The following SLC14A1 variants were observed in gnomAD, a reference collection of about 807,000 sequenced individuals.
SLC14A1 encodes the protein solute carrier family 14 member 1 (Kidd blood group).
Under a neutral mutation model 39.6 loss-of-function variants are expected in SLC14A1, and 36 were observed. That is an observed-to-expected ratio of 0.91 (90% CI 0.70 to 1.20). SLC14A1 has a LOEUF of 1.20. SLC14A1 is among the 50% of genes most tolerant of loss of function. SLC14A1 has a pLI of 0.00. For missense variants in SLC14A1, 469 were observed against 478.7 expected, an observed-to-expected ratio of 0.98 and a Z score of 0.19; for synonymous variants, 164 against 173.6, an observed-to-expected ratio of 0.94 and a Z score of 0.43.
intron 6 of SLC14A1, 112 bp downstream of exon 6, chr18:45,736,760 C>T: frequency 1.1e-6 from 1 of 874,984 alleles, no homozygotes; most frequent in South Asian, 1.4e-5. Context: ...ACTATGGTGG[C>T]CTTTCTGCCT....
chr18:45,728,596 A>T (rs2046935873), intron 2 of SLC14A1, among the ~76,000 whole-genome samples: 5 of 152,216 alleles, frequency 3.3e-5, no homozygotes, highest in Admixed American at 2.6e-4. Context: ...GAGGGAGATA[A>T]TCTGAAAATA....
chr18:45,730,012 A>T, intron 2 of SLC14A1: 1 of 290,916 alleles, frequency 3.4e-6, no homozygotes, highest in Non-Finnish European at 6.4e-6. Flanking sequence ...GAACTCCTTA[A>T]GTGCAAGAAA....
intron 8 of SLC14A1, among the ~76,000 whole-genome samples, chr18:45,745,202 A>T (rs1194733820): frequency 6.6e-6 from 1 of 152,226 alleles, no homozygotes; most frequent in Non-Finnish European, 1.5e-5. Context: ...AGATCATGCC[A>T]CTGCACTCCA....
chr18:45,748,785 G>T (rs2282615), intron 9 of SLC14A1, among the ~76,000 whole-genome samples: 1 of 152,054 alleles, frequency 6.6e-6, no homozygotes, highest in South Asian at 2.1e-4. Context: ...GTGATGCAGG[G>T]CCGGTTTCTG....
chr18:45,731,167 G>T lies in SLC14A1; in HGVS notation c.304G>T (p.Val102Phe), dbSNP rs1325378415. The change falls in exon 4 of 10, where the codon GTC becomes TTC. Residue 102 changes from valine to phenylalanine, a missense_variant. Coordinates refer to ENST00000321925, the MANE Select transcript of SLC14A1 (RefSeq NM_015865.7). ...WALTGWLGTVVSTLMALLLSQ... is the reference protein window; with the variant it reads ...WALTGWLGTVFSTLMALLLSQ... ...TCTCACTGGCTGGCTGGGAACAGTG[G>T]TCTCCACTCTGATGGCCCTCTTGCT... 2 of 1,614,044 alleles carry T rather than the reference G, an allele frequency of 1.2e-6. No individual in the cohort carries two copies. Among genetic ancestry groups the T allele is most frequent in the African/African-American group, 2.7e-5 (2 of 75,042 alleles).
chr18:45,741,948 A>G (rs540923758), intron 8 of SLC14A1, among the ~76,000 whole-genome samples: 3 of 152,268 alleles, frequency 2.0e-5, no homozygotes, highest in Non-Finnish European at 2.9e-5. Flanking sequence ...TGTATTAAAC[A>G]CACATGATAC....
intron 4 of SLC14A1, 151 bp from the exon 5 acceptor site, chr18:45,734,123 G>T: frequency 1.0e-6 from 1 of 952,818 alleles, no homozygotes; most frequent in East Asian, 2.6e-5. Context: ...ATTAGTTTTT[G>T]TACGATGCTT....
At position 45,731,211 on chromosome 18, in the gene SLC14A1, G is replaced by A. The variant is rs543668941; in HGVS notation, c.341+7G>A. The A allele has an allele frequency of 6.8e-6, 11 of 1,613,018 alleles. No homozygotes were observed. Among genetic ancestry groups the A allele is most frequent in the African/African-American group, 4.0e-5 (3 of 75,024 alleles). ...TCTTGCTCAGCCAGGACAGGTAGGT[G>A]TACCCTTTCAAGCCTTCTCAGCTCC... On this transcript the variant is annotated splice_region_variant and intron_variant, in intron 4 of 9. Coordinates refer to ENST00000321925, the MANE Select transcript of SLC14A1 (RefSeq NM_015865.7).
intron 5 of SLC14A1, among the ~76,000 whole-genome samples, chr18:45,735,277 C>T (rs2047157160): frequency 6.6e-6 from 1 of 152,210 alleles, no homozygotes; most frequent in African/African-American, 2.4e-5. Context: ...GGGTTTGTTA[C>T]ACCACAGGCA....
rs767700075 is a variant in SLC14A1, at chr18:45,730,457, C to A, written c.137C>A (p.Ala46Asp). 6 of 1,614,146 alleles carry A rather than the reference C, an allele frequency of 3.7e-6. No individual in the cohort carries two copies. Among genetic ancestry groups the A allele is most frequent in the Non-Finnish European group, 2.5e-6 (3 of 1,180,012 alleles). ...GTCACCGGTGACATGAAAGAACTTG[C>A]CAACCAGCTTAAAGGTATTTATCCT... Reference protein sequence around the residue: ...GYVTGDMKELANQLKDKPVVL... With the variant: ...GYVTGDMKELDNQLKDKPVVL... Residue 46 changes from alanine (A) to aspartate (D), a missense_variant, in exon 3 of 10, where the codon GCC becomes GAC. Physicochemically the swap from Ala to Asp is moderately radical, Grantham distance 126. Coordinates refer to ENST00000321925, the MANE Select transcript of SLC14A1 (RefSeq NM_015865.7).
chr18:45,734,399 C>G lies in SLC14A1; in HGVS notation c.467C>G (p.Thr156Ser), dbSNP rs1414711789. ...CTCCCTGTATGTGCTATGTCCATGA[C>G]TTGGTAAGTTACAATTGGTTTTCAA... is the stretch of plus-strand genomic sequence containing the variant. The part of the protein sequence containing the change: ...LLLPVCAMSM[T>S]CPIFSSALNS... The change falls in exon 5 of 10, where the codon ACT (threonine) becomes AGT (serine). Residue 156 changes from threonine to serine, a missense_variant. Thr to Ser is a moderately conservative substitution (Grantham distance 58). Transcript: ENST00000321925. The G allele has an allele frequency of 6.2e-7, 1 of 1,611,110 alleles. No individual in the cohort carries two copies. The highest frequency in any genetic ancestry group is 8.5e-7 in the Non-Finnish European group (1 of 1,179,212).
chr18:45,731,820 C>T (rs558716592), intron 4 of SLC14A1, among the ~76,000 whole-genome samples: 1 of 152,182 alleles, frequency 6.6e-6, no homozygotes, highest in Non-Finnish European at 1.5e-5. Context: ...GTAGATAGCT[C>T]CCCACTAGCC....
At chr18:45,743,331 G>A (rs2047443399) in intron 8 of SLC14A1, among the ~76,000 whole-genome samples, 2 of 152,038 alleles carry the variant, frequency 1.3e-5, no homozygotes, top group South Asian at 2.1e-4. Flanking sequence ...ATATTCTCAA[G>A]TTCTGAGGTT....
At chr18:45,727,579 G>A (rs2046908534) in intron 2 of SLC14A1, among the ~76,000 whole-genome samples, 1 of 152,240 alleles carries the variant, frequency 6.6e-6, no homozygotes, top group Non-Finnish European at 1.5e-5. Context: ...GCTCACCTTG[G>A]TTTAGAGGCT....
chr18:45,733,465 T>C (rs746981142), intron 4 of SLC14A1, among the ~76,000 whole-genome samples: 1 of 152,242 alleles, frequency 6.6e-6, no homozygotes, highest in Non-Finnish European at 1.5e-5. Context: ...GGAAGATTAA[T>C]GTTGATAAGA....
At chr18:45,740,683 G>A (rs901309859) in intron 8 of SLC14A1, among the ~76,000 whole-genome samples, 3 of 152,000 alleles carry the variant, frequency 2.0e-5, no homozygotes, top group Admixed American at 2.0e-4. Context: ...TAGGACCACA[G>A]GCGTGCCACC....
rs1049580218 is a variant in SLC14A1, at chr18:45,751,891, G to A, written c.*1940G>A. ...TATTTTGGAGGTTGGAAAGTGAAAC[G>A]TAGGAATCCTGAAGATTTTTTCCAC... On this transcript the variant is annotated 3_prime_UTR_variant, in exon 10 of 10. Coordinates refer to ENST00000321925, the MANE Select transcript of SLC14A1 (RefSeq NM_015865.7). The A allele has an allele frequency of 4.5e-5, 44 of 985,066 alleles. No individual in the cohort carries two copies. The highest frequency in any genetic ancestry group is 2.3e-4 in the East Asian group (2 of 8,812). 61.0% of individuals were successfully genotyped at this position (985,066 alleles called of 1,614,324 possible).
chr18:45,736,324 T>C, intron 5 of SLC14A1, 132 bp from the exon 6 acceptor site: 1 of 803,204 alleles, frequency 1.2e-6, no homozygotes, highest in East Asian at 2.5e-5. Flanking sequence ...GTTTTCTTTC[T>C]GTGGCAAATG....
At chr18:45,728,411 C>T (rs28994278) in intron 2 of SLC14A1, among the ~76,000 whole-genome samples, 2,291 of 152,244 alleles carry the variant, frequency 0.015, 24 homozygotes, top group Non-Finnish European at 0.024. Flanking sequence ...GATGCTGCCA[C>T]CTTAGGGTTT....
Sources: allele counts gnomAD v4.1 joint callset (sites outside exome capture counted in the v4.1 genomes callset), GRCh38; gene constraint gnomAD v4.1.1; transcripts MANE v1.5; gene names NCBI Gene and HGNC (gene_info 2026-07-23, HGNC 2026-07-21).